EPC1: variants seen among roughly 807,000 people sequenced by gnomAD.
EPC1 encodes the protein enhancer of polycomb 1.
A neutral mutation model predicts 98.4 loss-of-function variants in EPC1; 12 were observed. That is an observed-to-expected ratio of 0.12 (90% CI 0.08 to 0.20). The LOEUF is 0.20. EPC1 is among the 10% of genes least tolerant of loss of function. EPC1 has a pLI of 1.00. For synonymous variants in EPC1, 357 were observed against 363.9 expected (o/e 0.98, Z 0.21); for missense variants, 729 against 990.5 (o/e 0.74, Z 3.54).
At chr10:32,345,085 T>C in intron 1 of EPC1, 1 of 923,690 alleles carries the variant, frequency 1.1e-6, no homozygotes, top group Non-Finnish European at 1.3e-6. Context: ...AACTTAGAAA[T>C]AAAAATAAAA....
In EPC1 at chr10:32,345,591, G is replaced by C. The variant is rs561734742; in HGVS notation, c.153+1172C>G. On this transcript the variant is annotated intron_variant, in intron 1 of 13. Transcript: ENST00000319778. ...AAAACCAAGGTATGCAATTCCTTAG[G>C]ATTAGAAGTCATCAAGTTATACTGT... The C allele has an allele frequency of 2.5e-4, 248 of 985,376 alleles. 3 individuals carry two copies. The South Asian group carries it at 0.01, about 40-fold the overall frequency. The allele number at this position is 985,376 out of a possible 1,614,324, so 61.0% of individuals were successfully genotyped here.
chr10:32,321,520 A>G (rs1325118847), intron 1 of EPC1, among the ~76,000 whole-genome samples: 2 of 151,988 alleles, frequency 1.3e-5, no homozygotes, highest in African/African-American at 2.4e-5. Flanking sequence ...CCCCGCTTAG[A>G]TCCATTTAAT....
At chr10:32,286,491 G>T in intron 9 of EPC1, 1 of 570,506 alleles carries the variant, frequency 1.8e-6, no homozygotes, top group Non-Finnish European at 3.0e-6. Flanking sequence ...GGTCCACTAG[G>T]GACCCAATAG....
Position 32,347,111 on chromosome 10 carries a change from C to A in EPC1, c.-196G>T. 1 of 1,436,266 alleles carries A rather than the reference C, an allele frequency of 7.0e-7. No individual in the cohort carries two copies. Among genetic ancestry groups the A allele is most frequent in the East Asian group, 2.5e-5 (1 of 39,748 alleles). The allele number at this position is 1,436,266 out of a possible 1,614,324, so 89.0% of individuals were successfully genotyped here. A position where few individuals can be genotyped will look rare whatever the true frequency, so the allele number is the denominator to read the frequency against. ...CCGCTCCGCTCCTCTCTCGCTCGCT[C>A]TCTTCAATACGCCATGGCCAACATG... On this transcript the variant is annotated 5_prime_UTR_variant, in exon 1 of 14. Coordinates refer to ENST00000319778, the MANE Select transcript of EPC1 (RefSeq NM_001272004.3).
At chr10:32,374,830 C>T (rs1839839078) in intron 1 of EPC1, among the ~76,000 whole-genome samples, 1 of 152,014 alleles carries the variant, frequency 6.6e-6, no homozygotes, top group African/African-American at 2.4e-5. Context: ...AGCATCTTAT[C>T]AGAATGATAC....
intron 1 of EPC1, among the ~76,000 whole-genome samples, chr10:32,328,032 G>T (rs1315612125): frequency 7.4e-6 from 1 of 135,684 alleles, no homozygotes; most frequent in African/African-American, 2.6e-5. Flanking sequence ...GGAATAAAAG[G>T]AAGAGGGCCC....
At chr10:32,341,836 T>TG (rs1267142534) in intron 1 of EPC1, among the ~76,000 whole-genome samples, 2 of 152,220 alleles carry the variant, frequency 1.3e-5, no homozygotes, top group African/African-American at 2.4e-5. Context: ...TTGAAATTTA[T>TG]GGAACAGCTG....
chr10:32,286,643 T>C, intron 9 of EPC1, 51 bp downstream of exon 9: 1 of 1,593,208 alleles, frequency 6.3e-7, no homozygotes, highest in South Asian at 1.1e-5. Flanking sequence ...TTAGATTCAA[T>C]CACCCTAATG....
intron 1 of EPC1, among the ~76,000 whole-genome samples, chr10:32,338,298 G>A (rs990572195): frequency 2.0e-5 from 3 of 151,936 alleles, no homozygotes; most frequent in Non-Finnish European, 4.4e-5. Flanking sequence ...GTTGGTTCTG[G>A]CTCCTCAAAA....
intron 6 of EPC1, among the ~76,000 whole-genome samples, chr10:32,289,780 C>T (rs938486605): frequency 1.3e-5 from 2 of 151,974 alleles, no homozygotes; most frequent in South Asian, 2.1e-4. Context: ...CCCACCAGCA[C>T]GCCCGGCTAT....
intron 1 of EPC1, among the ~76,000 whole-genome samples, chr10:32,346,202 T>C (rs972254571): frequency 3.3e-5 from 5 of 152,294 alleles, no homozygotes; most frequent in South Asian, 2.1e-4. Flanking sequence ...GACATGCCCG[T>C]CTGAGGCTCC....
intron 1 of EPC1, among the ~76,000 whole-genome samples, chr10:32,338,678 G>A (rs944913261): frequency 2.6e-5 from 4 of 151,894 alleles, no homozygotes; most frequent in African/African-American, 4.8e-5. Context: ...ATCTTCCCAC[G>A]GCTCATTACC....
In EPC1 at chr10:32,287,188, T is replaced by C. The variant is rs546300029; in HGVS notation, c.1062A>G (p.Gln354=). Reference sequence around the variant, plus strand: ...CTGGCAGTGCAGCAGGACTCGTCTGTTGGGGAGTAGCAGCGGCAGACGATG... The same window carrying C: ...CTGGCAGTGCAGCAGGACTCGTCTGCTGGGGAGTAGCAGCGGCAGACGATG... ...VLPSSAAATP[Q]QTSPAALPVF... is the part of the protein sequence containing the mutation. The change falls in exon 7 of 14, where the codon CAA becomes CAG. Residue 354 remains glutamine, a synonymous_variant. Transcript: ENST00000319778. The C allele has an allele frequency of 1.2e-6, 2 of 1,614,116 alleles. No individual in the cohort carries two copies. Among genetic ancestry groups the C allele is most frequent in the Admixed American group, 1.7e-5 (1 of 60,008 alleles).
chr10:32,355,267 G>A (rs926814588), intron 1 of EPC1, among the ~76,000 whole-genome samples: 1 of 152,240 alleles, frequency 6.6e-6, no homozygotes, highest in Admixed American at 6.5e-5. Flanking sequence ...GAGAAGTGGT[G>A]GGATGCGTGA....
At chr10:32,304,319 G>A (rs765094273) in intron 2 of EPC1, among the ~76,000 whole-genome samples, 12 of 152,068 alleles carry the variant, frequency 7.9e-5, no homozygotes, top group Non-Finnish European at 1.5e-4. Context: ...CTAAAAGCAT[G>A]CATTTATAAG....
At chr10:32,307,856 C>T (rs946680719) in intron 1 of EPC1, among the ~76,000 whole-genome samples, 6 of 152,150 alleles carry the variant, frequency 3.9e-5, no homozygotes, top group African/African-American at 1.2e-4. Context: ...AAGCAAGACA[C>T]GTGATTCATA....
rs1317349009 is a variant in EPC1, at chr10:32,285,015, C to T, written c.1427G>A (p.Ser476Asn). The T allele has an allele frequency of 1.2e-6, 2 of 1,614,172 alleles. No homozygotes were observed. The highest frequency in any genetic ancestry group is 1.3e-5 in the African/African-American group (1 of 75,070). Residue 476 changes from serine to asparagine, a missense_variant, in exon 10 of 14, where the codon AGT becomes AAT. Transcript: ENST00000319778. ...TTCCAAATCCAGATGGTGAAACACA[C>T]TGTCATAGTCTGAATGAGCTCTGTC... ...LLDRAHSDYD[S>N]VFHHLDLEML...
At chr10:32,296,954 T>A (rs983018899) in intron 2 of EPC1, among the ~76,000 whole-genome samples, 9 of 151,516 alleles carry the variant, frequency 5.9e-5, no homozygotes, top group African/African-American at 2.2e-4. Context: ...ATCTTGTTCA[T>A]ATATAGAATA....
intron 1 of EPC1, among the ~76,000 whole-genome samples, chr10:32,307,456 T>A (rs1042544701): frequency 6.6e-6 from 1 of 152,252 alleles, no homozygotes; most frequent in Non-Finnish European, 1.5e-5. Flanking sequence ...TACTTTAGGT[T>A]AATTTCTTTA....
Sources: gnomAD v4.1 joint callset for allele counts (sites outside exome capture counted in the v4.1 genomes callset) on GRCh38, gnomAD v4.1.1 for gene constraint, MANE v1.5 for transcripts, NCBI Gene and HGNC (gene_info 2026-07-23, HGNC 2026-07-21) for gene names.